Variants in SLMAP observed in about 807,000 individuals in gnomAD.
SLMAP encodes the protein sarcolemmal membrane-associated protein.
In SLMAP, 44 loss-of-function variants were observed where a neutral mutation model predicts 128.8. The observed-to-expected ratio is 0.34, with a 90% CI of 0.27 to 0.44. SLMAP has a LOEUF of 0.44. Ranked by LOEUF, SLMAP falls within the 20% of genes least tolerant of loss-of-function variation. The pLI, the probability that SLMAP is intolerant of heterozygous loss-of-function variation, is 1.00. For synonymous variants in SLMAP, 327 were observed against 348.8 expected, an observed-to-expected ratio of 0.94 and a Z score of 0.70; for missense variants, 787 against 985.3, an observed-to-expected ratio of 0.80 and a Z score of 2.69.
intron 2 of SLMAP, among the ~76,000 whole-genome samples, chr3:57,793,473 C>G (rs992520312): frequency 6.6e-6 from 1 of 152,186 alleles, no homozygotes; most frequent in African/African-American, 2.4e-5. Flanking sequence ...ATGGAGCTGA[C>G]ATTCTAGTGT....
chr3:57,916,293 C>G (rs982378183), intron 21 of SLMAP, among the ~76,000 whole-genome samples: 2 of 152,122 alleles, frequency 1.3e-5, no homozygotes, highest in Non-Finnish European at 2.9e-5. Context: ...TACGTGGTAT[C>G]TGGTATAGGT....
intron 2 of SLMAP, among the ~76,000 whole-genome samples, chr3:57,788,343 C>T (rs968716997): frequency 7.9e-5 from 12 of 152,098 alleles, no homozygotes; most frequent in Admixed American, 2.6e-4. Context: ...GAATAGCAGT[C>T]ATGGTGATAA....
chr3:57,906,300 C>CTTTCTTTTTTTTTTT (rs1559511938), intron 17 of SLMAP, among the ~76,000 whole-genome samples: 2 of 71,290 alleles, frequency 2.8e-5, no homozygotes, highest in African/African-American at 4.8e-5. Context: ...AAATTTTTTT[C>CTTTCTTTTTTTTTTT]TTTTTTTTTC....
chr3:57,803,836 C>T (rs2153500209), intron 2 of SLMAP, among the ~76,000 whole-genome samples: 1 of 152,348 alleles, frequency 6.6e-6, no homozygotes, highest in East Asian at 1.9e-4. Flanking sequence ...TGACTCACAC[C>T]TTGGGAGTTT....
intron 10 of SLMAP, 68 bp from the exon 11 acceptor site, chr3:57,864,480 C>T: frequency 9.9e-7 from 1 of 1,010,148 alleles, no homozygotes; most frequent in South Asian, 1.7e-5. Flanking sequence ...TGAATAAAGG[C>T]ATTCCTGGGG....
At chr3:57,854,000 TTTACATATA>T (rs1356108732) in intron 6 of SLMAP, among the ~76,000 whole-genome samples, 3 of 96,926 alleles carry the variant, frequency 3.1e-5, no homozygotes, top group South Asian at 6.0e-4. Context: ...TATATATATA[TTTACATATA>T]ATATATATTA....
intron 14 of SLMAP, among the ~76,000 whole-genome samples, chr3:57,877,962 GTAGC>G (rs2095644221): frequency 6.7e-6 from 1 of 149,642 alleles, no homozygotes; most frequent in Non-Finnish European, 1.5e-5. Context: ...AGCCTCCCAA[GTAGC>G]TAGGATTACA....
At chr3:57,859,604 G>A (rs1264485783) in intron 8 of SLMAP, among the ~76,000 whole-genome samples, 5 of 151,932 alleles carry the variant, frequency 3.3e-5, no homozygotes, top group Admixed American at 1.3e-4. Context: ...TTGTAACTTT[G>A]GCATCAAAAA....
intron 14 of SLMAP, among the ~76,000 whole-genome samples, chr3:57,874,850 ACT>A (rs1409961878): frequency 1.3e-5 from 2 of 150,038 alleles, no homozygotes; most frequent in African/African-American, 2.5e-5. Flanking sequence ...CAAGAGCGAA[ACT>A]CTGTCTCAAA....
At chr3:57,869,630 T>TTATATGTATATATATA (rs1553900185) in intron 13 of SLMAP, among the ~76,000 whole-genome samples, 4 of 75,474 alleles carry the variant, frequency 5.3e-5, no homozygotes, top group African/African-American at 2.0e-4. Flanking sequence ...CCCATCTCTA[T>TTATATGTATATATATA]TATATATATA....
rs1411645726 is a variant in SLMAP at position 57,883,573 on chromosome 3, C to T, written c.1301-6468C>T. Among the ~76,000 whole-genome samples the T allele has an allele frequency of 2.0e-5, 3 of 152,010 alleles. No individual in the cohort carries two copies. The South Asian group carries it at 6.2e-4, about 31-fold the overall frequency. On this transcript the variant is annotated intron_variant, in intron 14 of 24. Transcript: ENST00000671191. ...AAGTAGTAGTGTTTCCAAAGGGAGG[C>T]AGTAAACTTGATTAAATACGGTGAA...
At chr3:57,883,567 G>A (rs549644235) in intron 14 of SLMAP, among the ~76,000 whole-genome samples, 2 of 152,292 alleles carry the variant, frequency 1.3e-5, no homozygotes, top group South Asian at 4.1e-4. Context: ...TGTTTCCAAA[G>A]GGAGGCAGTA....
intron 6 of SLMAP, among the ~76,000 whole-genome samples, chr3:57,855,187 G>A (rs1004410438): frequency 6.6e-6 from 1 of 152,044 alleles, no homozygotes; most frequent in Non-Finnish European, 1.5e-5. Context: ...AGACCAGCCT[G>A]ATCAACTTGG....
In SLMAP at chr3:57,865,225, T is replaced by A; in HGVS notation, c.1187-17T>A. ...ATACTTCTTTGATCAGGCAATGATA[T>A]ACTGTCTTAATCCTAGGGATACAAG... On this transcript the variant is annotated splice_polypyrimidine_tract_variant and intron_variant, in intron 12 of 24. Transcript: ENST00000671191. The A allele has an allele frequency of 7.2e-7, 1 of 1,381,902 alleles. No individual in the cohort carries two copies. The highest frequency in any genetic ancestry group is 9.9e-7 in the Non-Finnish European group (1 of 1,008,022). 85.6% of individuals were successfully genotyped at this position (1,381,902 alleles called of 1,614,324 possible).
chr3:57,827,186 T>G (rs2092987275), intron 2 of SLMAP, among the ~76,000 whole-genome samples: 1 of 152,226 alleles, frequency 6.6e-6, no homozygotes, highest in Non-Finnish European at 1.5e-5. Flanking sequence ...GTTCTGAAGC[T>G]TTACTTCAAA....
chr3:57,906,332 T>TTTTTTTTTTTTTTTTTTTTTTTC (rs1491216777), intron 17 of SLMAP, among the ~76,000 whole-genome samples: 2 of 136,954 alleles, frequency 1.5e-5, no homozygotes, highest in Admixed American at 8.0e-5. Context: ...TTTTTTTTTT[T>TTTTTTTTTTTTTTTTTTTTTTTC]AGAGACACAG....
intron 2 of SLMAP, among the ~76,000 whole-genome samples, chr3:57,799,830 A>G (rs1241046347): frequency 6.6e-6 from 1 of 152,206 alleles, no homozygotes; most frequent in Admixed American, 6.5e-5. Context: ...TTGTTTTAAC[A>G]AAGTTAAGAA....
chr3:57,878,227 C>T (rs1341355849), intron 14 of SLMAP, among the ~76,000 whole-genome samples: 1 of 152,138 alleles, frequency 6.6e-6, no homozygotes, highest in African/African-American at 2.4e-5. Flanking sequence ...GTTACTTTAA[C>T]TGATTAAATT....
chr3:57,835,539 G>C lies in SLMAP; in HGVS notation c.346+4009G>C, dbSNP rs188067517. 2.3e-3 allele frequency among the ~76,000 whole-genome samples: 351 copies of C among 152,204 alleles called. 1 individual carries two copies. Among genetic ancestry groups the C allele is most frequent in the African/African-American group, 7.7e-3 (321 of 41,524 alleles). On this transcript the variant is annotated intron_variant, in intron 3 of 24. Coordinates refer to ENST00000671191, the MANE Select transcript of SLMAP (RefSeq NM_001377540.1). ...AAATGCCAAGATGAGTCAGTATCAG[G>C]CAGTCTATCAACATAATCCACAGAC...
Sources: allele counts gnomAD v4.1 joint callset (sites outside exome capture counted in the v4.1 genomes callset), GRCh38; gene constraint gnomAD v4.1.1; transcripts MANE v1.5; gene names NCBI Gene and HGNC (gene_info 2026-07-23, HGNC 2026-07-21).